Variants in SNTG2 observed in about 807,000 individuals in gnomAD.
SNTG2 encodes the protein gamma-2-syntrophin.
SNTG2 carries 74 observed loss-of-function variants against 70.9 expected under a neutral mutation model. The observed-to-expected ratio is 1.04, with a 90% CI of 0.86 to 1.27. SNTG2 has a LOEUF of 1.27. SNTG2 is among the 50% of genes most tolerant of loss of function. The probability of loss-of-function intolerance (pLI) is 0.00; values close to 1 mark genes in which losing one functional copy is unlikely to be tolerated. For synonymous variants in SNTG2, 278 were observed against 273.8 expected (o/e 1.02, Z -0.15); for missense variants, 717 against 690.7 (o/e 1.04, Z -0.43).
chr2:960,855 T>A (rs879265826), intron 1 of SNTG2, among the ~76,000 whole-genome samples: 97 of 134,540 alleles, frequency 7.2e-4, no homozygotes, highest in Middle Eastern at 0.01. Flanking sequence ...GCATGGCTGT[T>A]GGTTCTGAAG....
chr2:1,293,720 A>C (rs755772780), intron 14 of SNTG2, among the ~76,000 whole-genome samples: 13 of 152,186 alleles, frequency 8.5e-5, no homozygotes, highest in Non-Finnish European at 2.9e-5. Flanking sequence ...GATAATTGAT[A>C]GAATTTTAAT....
chr2:1,281,075 A>C (rs1414910298), intron 14 of SNTG2, among the ~76,000 whole-genome samples: 1 of 151,998 alleles, frequency 6.6e-6, no homozygotes, highest in African/African-American at 2.4e-5. Flanking sequence ...CTTAGGGGTG[A>C]GTGTGATAAA....
At chr2:1,189,019 CAAAG>C (rs1246313032) in intron 8 of SNTG2, among the ~76,000 whole-genome samples, 1 of 151,812 alleles carries the variant, frequency 6.6e-6, no homozygotes, top group Non-Finnish European at 1.5e-5. Flanking sequence ...TGATTATTGT[CAAAG>C]AAGAAATGGG....
chr2:1,059,613 CT>C (rs921431876), intron 1 of SNTG2, among the ~76,000 whole-genome samples: 24 of 151,970 alleles, frequency 1.6e-4, no homozygotes, highest in African/African-American at 5.8e-4. Flanking sequence ...ATAAATTTCT[CT>C]TTTGTGGAAT....
At chr2:1,155,393 A>C (rs1669823582) in intron 6 of SNTG2, among the ~76,000 whole-genome samples, 1 of 152,032 alleles carries the variant, frequency 6.6e-6, no homozygotes, top group Non-Finnish European at 1.5e-5. Flanking sequence ...GTACACATAC[A>C]CCACATATAC....
intron 1 of SNTG2, among the ~76,000 whole-genome samples, chr2:1,037,467 C>T (rs1661194869): frequency 6.6e-6 from 1 of 152,162 alleles, no homozygotes; most frequent in Non-Finnish European, 1.5e-5. Context: ...AGACCATTTC[C>T]ATCACCCCAG....
Position 1,106,515 on chromosome 2 carries a change from A to G in SNTG2, c.325+8105A>G, listed in dbSNP as rs866670573. Among the ~76,000 whole-genome samples, 193 of 103,732 alleles carry G rather than the reference A, an allele frequency of 1.9e-3. 1 individual carries two copies. The highest frequency in any genetic ancestry group is 7.4e-3 in the African/African-American group (183 of 24,674). The allele number at this position is 103,732 out of a possible 152,430, so 68.1% of individuals were successfully genotyped here. On this transcript the variant is annotated intron_variant, in intron 4 of 16. Transcript: ENST00000308624. ...ACGTGCTGTCACTCGGGTGCAGGGT[A>G]TGGAGAGCTCCTTGGTAAGAGTGGA...
rs115536235 is a variant in SNTG2 at position 1,221,002 on chromosome 2, C to A, written c.719+11772C>A. Among the ~76,000 whole-genome samples the A allele has an allele frequency of 6.1e-3, 922 of 152,374 alleles. 5 individuals are homozygous for A. Among genetic ancestry groups the A allele is most frequent in the Non-Finnish European group, 1.0e-2 (679 of 68,032 alleles). ...GAGGCACCCTGACACCCCTCCCCAT[C>A]CAACAGATGTGCGGAGCAGCTCTGA... On this transcript the variant is annotated intron_variant, in intron 9 of 16. Coordinates refer to ENST00000308624, the MANE Select transcript of SNTG2 (RefSeq NM_018968.4).
intron 1 of SNTG2, among the ~76,000 whole-genome samples, chr2:951,851 T>C (rs1051915927): frequency 3.3e-5 from 5 of 152,006 alleles, no homozygotes; most frequent in African/African-American, 1.2e-4. Flanking sequence ...TGAAAATGCA[T>C]TGACAACCAC....
intron 9 of SNTG2, among the ~76,000 whole-genome samples, chr2:1,210,971 G>A (rs7579659): frequency 0.18 from 27,668 of 152,014 alleles, 4,995 homozygotes; most frequent in African/African-American, 0.47. Context: ...ATCACCTAAT[G>A]ACACAGCTCT....
At chr2:1,193,766 A>C (rs1317831168) in intron 8 of SNTG2, among the ~76,000 whole-genome samples, 1 of 152,220 alleles carries the variant, frequency 6.6e-6, no homozygotes, top group Non-Finnish European at 1.5e-5. Context: ...TTCACCATCT[A>C]CTGCATGTTT....
At chr2:1,311,675 A>G (rs1680997150) in intron 15 of SNTG2, among the ~76,000 whole-genome samples, 1 of 152,212 alleles carries the variant, frequency 6.6e-6, no homozygotes, top group Non-Finnish European at 1.5e-5. Flanking sequence ...TGAATATGAA[A>G]TGCTTCTAAA....
At chr2:1,253,237 CAGA>C (rs1314502931) in intron 12 of SNTG2, among the ~76,000 whole-genome samples, 1 of 152,024 alleles carries the variant, frequency 6.6e-6, no homozygotes, top group African/African-American at 2.4e-5. Flanking sequence ...CTCCTCCCCA[CAGA>C]AGGAGAGACT....
chr2:1,179,832 G>T (rs1671740547), intron 8 of SNTG2, among the ~76,000 whole-genome samples: 1 of 144,022 alleles, frequency 6.9e-6, no homozygotes, highest in Admixed American at 7.3e-5. Context: ...CAAGGCTACA[G>T]TAACCAAAAC....
chr2:1,358,714 T>A (rs1418948791), intron 16 of SNTG2, among the ~76,000 whole-genome samples: 36 of 152,168 alleles, frequency 2.4e-4, no homozygotes, highest in Admixed American at 2.4e-3. Flanking sequence ...TTGAAGAAGA[T>A]ACTAGGTATG....
intron 1 of SNTG2, among the ~76,000 whole-genome samples, chr2:982,624 T>G (rs1661143232): frequency 6.6e-6 from 1 of 152,224 alleles, no homozygotes; most frequent in African/African-American, 2.4e-5. Flanking sequence ...TGAACACCCT[T>G]CATATTAAAG....
At chr2:1,136,489 A>G (rs2148328762) in intron 4 of SNTG2, among the ~76,000 whole-genome samples, 1 of 152,264 alleles carries the variant, frequency 6.6e-6, no homozygotes, top group South Asian at 2.1e-4. Context: ...CATCAGTACC[A>G]TTGCTGTACA....
chr2:1,239,312 G>A (rs946193761), intron 10 of SNTG2, among the ~76,000 whole-genome samples: 2 of 152,102 alleles, frequency 1.3e-5, no homozygotes, highest in African/African-American at 2.4e-5. Context: ...CCACTTCCTC[G>A]GTGAAATTTT....
chr2:1,070,190 G>A (rs1316585578), intron 1 of SNTG2, among the ~76,000 whole-genome samples: 1 of 152,054 alleles, frequency 6.6e-6, no homozygotes, highest in Non-Finnish European at 1.5e-5. Flanking sequence ...ATTACCCTGA[G>A]CCCACCGGAG....
Sources: gnomAD v4.1 joint callset for allele counts (sites outside exome capture counted in the v4.1 genomes callset) on GRCh38, gnomAD v4.1.1 for gene constraint, MANE v1.5 for transcripts, NCBI Gene and HGNC (gene_info 2026-07-23, HGNC 2026-07-21) for gene names.